RBFOX2: variants seen among roughly 807,000 people sequenced by gnomAD.
RBFOX2 encodes RNA binding fox-1 homolog 2, also known as RNA binding protein fox-1 homolog 2.
In RBFOX2, 10 loss-of-function variants were observed where a neutral mutation model predicts 49.1. That is an observed-to-expected ratio of 0.20 (90% CI 0.13 to 0.35). The LOEUF is 0.35. Among genes scored for constraint, RBFOX2 ranks in the 10% least tolerant of loss-of-function variants. The probability of loss-of-function intolerance (pLI) is 1.00; values close to 1 mark genes in which losing one functional copy is unlikely to be tolerated. For synonymous variants in RBFOX2, 183 were observed against 187.4 expected (o/e 0.98, Z 0.19); for missense variants, 323 against 486.9 (o/e 0.66, Z 3.17).
intron 1 of RBFOX2, chr22:35,822,803 T>C (rs747601405): frequency 4.4e-5 from 19 of 432,650 alleles, no homozygotes; most frequent in Middle Eastern, 6.9e-4. Context: ...CACTGTTTTA[T>C]GTTTTGTTTT....
chr22:35,956,009 T>C (rs567708493), intron 1 of RBFOX2, among the ~76,000 whole-genome samples: 2 of 152,370 alleles, frequency 1.3e-5, no homozygotes, highest in Admixed American at 6.5e-5. Context: ...TGTGAAACCT[T>C]ATCAATGAAT....
chr22:35,826,798 A>T (rs1276184443), intron 1 of RBFOX2, among the ~76,000 whole-genome samples: 1 of 152,222 alleles, frequency 6.6e-6, no homozygotes, highest in African/African-American at 2.4e-5. Flanking sequence ...AATCAGGCAC[A>T]GTAAGAGATT....
chr22:35,905,246 G>C (rs182822290), intron 1 of RBFOX2, among the ~76,000 whole-genome samples: 5 of 152,118 alleles, frequency 3.3e-5, no homozygotes, highest in Non-Finnish European at 7.4e-5. Context: ...TTATGTTAGA[G>C]GCAGCCAACA....
chr22:35,843,034 CAT>C (rs776032640), upstream of RBFOX2, among the ~76,000 whole-genome samples: 131 of 152,094 alleles, frequency 8.6e-4, no homozygotes, highest in Non-Finnish European at 1.9e-4. Context: ...ATGACAGGCT[CAT>C]AGTGAGGTCT....
In RBFOX2 at chr22:35,778,643, T is replaced by TA. The variant is rs869152938; in HGVS notation, c.400-566dup. ...ATCAGATGCATTCTATAATTTGCTT[T>TA]AAAAAAAAAAAAAGATGGAGTCTTG... is the stretch of plus-strand genomic sequence containing the variant. On this transcript the variant is annotated intron_variant, in intron 3 of 11. Transcript: ENST00000405409. 3.5e-3 allele frequency among the ~76,000 whole-genome samples: 512 copies of TA among 144,434 alleles called. 3 individuals carry two copies. Among genetic ancestry groups the TA allele is most frequent in the African/African-American group, 1.0e-2 (394 of 39,516 alleles). The allele number at this position is 144,434 out of a possible 152,430, so 94.8% of individuals were successfully genotyped here. A position where few individuals can be genotyped will look rare whatever the true frequency, so the allele number is the denominator to read the frequency against.
At chr22:35,929,728 C>T (rs1329954253) in intron 1 of RBFOX2, among the ~76,000 whole-genome samples, 1 of 152,084 alleles carries the variant, frequency 6.6e-6, no homozygotes, top group Non-Finnish European at 1.5e-5. Context: ...TCAAAGGATC[C>T]TCCTGCCTCG....
At chr22:35,990,186 CAAA>C (rs2150105203) in intron 1 of RBFOX2, among the ~76,000 whole-genome samples, 1 of 152,040 alleles carries the variant, frequency 6.6e-6, no homozygotes, top group East Asian at 1.9e-4. Context: ...TGTCTAAAAA[CAAA>C]AACAAAAACA....
upstream of RBFOX2, among the ~76,000 whole-genome samples, chr22:35,964,706 C>G (rs916355106): frequency 6.6e-6 from 1 of 152,078 alleles, no homozygotes; most frequent in Non-Finnish European, 1.5e-5. Context: ...TCAGGGATTC[C>G]ACTAAAATTA....
intron 1 of RBFOX2, among the ~76,000 whole-genome samples, chr22:35,839,981 G>C (rs1231148336): frequency 6.6e-6 from 1 of 152,170 alleles, no homozygotes; most frequent in East Asian, 1.9e-4. Flanking sequence ...ATCTGCTATG[G>C]AGTTGAGGGA....
chr22:35,897,105 C>T (rs896345673), intron 1 of RBFOX2, among the ~76,000 whole-genome samples: 3 of 152,190 alleles, frequency 2.0e-5, no homozygotes, highest in South Asian at 2.1e-4. Context: ...TTTTATTACT[C>T]GACACTCATT....
At chr22:35,811,078 T>G (rs1339015795) in intron 1 of RBFOX2, among the ~76,000 whole-genome samples, 1 of 152,158 alleles carries the variant, frequency 6.6e-6, no homozygotes, top group Non-Finnish European at 1.5e-5. Flanking sequence ...AAAATTCAGC[T>G]GTCTCCAATG....
chr22:35,939,411 C>A (rs1458460385), upstream of RBFOX2, among the ~76,000 whole-genome samples: 1 of 152,108 alleles, frequency 6.6e-6, no homozygotes, highest in Non-Finnish European at 1.5e-5. Context: ...GCCTGTTTCC[C>A]CTCAGTTTTT....
intron 9 of RBFOX2, chr22:35,752,794 G>A (rs1935426522): frequency 1.1e-5 from 3 of 282,096 alleles, no homozygotes; most frequent in Non-Finnish European, 1.6e-5. Context: ...GGTGATTTAG[G>A]AGCAGTTTGT....
chr22:35,779,683 G>T (rs1944691871), intron 3 of RBFOX2, among the ~76,000 whole-genome samples: 1 of 152,154 alleles, frequency 6.6e-6, no homozygotes, highest in Admixed American at 6.5e-5. Flanking sequence ...GAGGCTAAAA[G>T]AAGCTATTTG....
intron 1 of RBFOX2, among the ~76,000 whole-genome samples, chr22:35,973,533 C>T (rs934291493): frequency 1.3e-5 from 2 of 152,164 alleles, no homozygotes; most frequent in African/African-American, 4.8e-5. Context: ...GATTAAGAAC[C>T]AGTCCAGCAA....
chr22:35,853,267 C>G (rs2042140548), intron 1 of RBFOX2, among the ~76,000 whole-genome samples: 1 of 149,260 alleles, frequency 6.7e-6, no homozygotes, highest in South Asian at 2.1e-4. Context: ...GCACTCCAGC[C>G]TGGGCAACAA....
chr22:35,758,057 C>T (rs1030614484), intron 9 of RBFOX2, among the ~76,000 whole-genome samples: 10 of 152,074 alleles, frequency 6.6e-5, no homozygotes, highest in African/African-American at 2.2e-4. Flanking sequence ...AGGCTAGAAA[C>T]GTAATGATTA....
At chr22:35,818,255 G>C (rs1179732455) in intron 1 of RBFOX2, among the ~76,000 whole-genome samples, 1 of 152,070 alleles carries the variant, frequency 6.6e-6, no homozygotes, top group East Asian at 1.9e-4. Flanking sequence ...GGCAACAACA[G>C]ACAGCAAGAA....
At chr22:35,838,097 T>C (rs1024498690) in intron 1 of RBFOX2, among the ~76,000 whole-genome samples, 8 of 152,178 alleles carry the variant, frequency 5.3e-5, no homozygotes, top group East Asian at 1.9e-4. Flanking sequence ...CCTTCAGTAA[T>C]TGCTAAGCAA....
Sources: gnomAD v4.1 joint callset for allele counts (sites outside exome capture counted in the v4.1 genomes callset) on GRCh38, gnomAD v4.1.1 for gene constraint, MANE v1.5 for transcripts, NCBI Gene and HGNC (gene_info 2026-07-23, HGNC 2026-07-21) for gene names.